PCP2: variants seen among roughly 807,000 people sequenced by gnomAD.
PCP2 encodes the protein Purkinje cell protein 2 homolog.
In PCP2, 21 loss-of-function variants were observed where a neutral mutation model predicts 18.3. The ratio of observed to expected loss-of-function variants is 1.14; its 90% CI spans 0.81 to 1.65. The LOEUF is 1.65. Among genes scored for constraint, PCP2 ranks in the 40% most tolerant of loss-of-function variants. The pLI is 0.00. For missense variants in PCP2, 202 were observed against 201.8 expected (o/e 1.00, Z 0.00); for synonymous variants, 85 against 77.6 (o/e 1.10, Z -0.50).
intron 3 of PCP2, 31 bp from the exon 4 acceptor site, chr19:7,631,839 G>A (rs951872381): frequency 1.5e-6 from 2 of 1,378,998 alleles, no homozygotes; most frequent in Non-Finnish European, 1.9e-6. Flanking sequence ...GCCAGGGGGA[G>A]GGCTCAAGGG....
At chr19:7,635,818 C>T (rs2031507648), upstream of PCP2, among the ~76,000 whole-genome samples, 1 of 152,094 alleles carries the variant, frequency 6.6e-6, no homozygotes, top group Non-Finnish European at 1.5e-5. Context: ...TCCTGGTTTG[C>T]CTGTGACTGT....
chr19:7,635,254 C>T (rs1331767336), upstream of PCP2, among the ~76,000 whole-genome samples: 1 of 152,166 alleles, frequency 6.6e-6, no homozygotes, highest in East Asian at 1.9e-4. Context: ...GAAGACAAAA[C>T]CCAAACACCT....
In PCP2 at chr19:7,632,922, G is replaced by A. The variant is rs752860754; in HGVS notation, c.52-92C>T. 1.3e-6 allele frequency: 2 copies of A among 1,500,136 alleles called. No homozygotes were observed. The highest frequency in any genetic ancestry group is 2.8e-5 in the African/African-American group (2 of 72,336). 92.9% of individuals were successfully genotyped at this position (1,500,136 alleles called of 1,614,324 possible). A position where few individuals can be genotyped will look rare whatever the true frequency, so the allele number is the denominator to read the frequency against. Reference sequence around the variant, plus strand: ...CAGCTTGCTCACACCCTGACCCCGGGGCCTGCCGTCCCCACTTCCTCAGCT... The same window carrying A: ...CAGCTTGCTCACACCCTGACCCCGGAGCCTGCCGTCCCCACTTCCTCAGCT... On this transcript the variant is annotated intron_variant, in intron 1 of 3. Coordinates refer to ENST00000311069, the MANE Select transcript of PCP2 (RefSeq NM_174895.3). The surrounding 1 kb of genome is among the most constrained non-coding windows in gnomAD (Gnocchi z 5.2).
Position 7,632,786 on chromosome 19 carries a change from G to C in PCP2, c.96C>G (p.His32Gln), listed in dbSNP as rs150461106. 1.2e-5 allele frequency: 18 copies of C among 1,564,558 alleles called. No homozygotes were observed. The highest frequency in any genetic ancestry group is 1.7e-4 in the Middle Eastern group (1 of 6,012). The stretch of plus-strand genomic sequence containing the variant: ...GTCCCTCCATCCGGTCGCCCTGCAC[G>C]TGGCTCAGCAGATTGAAGAAGCCCT... ...DQEGFFNLLS[H>Q]VQGDRMEGQR... The change falls in exon 2 of 4, where the codon CAC (histidine) becomes CAG (glutamine). Residue 32 changes from histidine (H) to glutamine (Q), a missense_variant. Physicochemically the swap from His to Gln is conservative, Grantham distance 24. Transcript: ENST00000311069. The surrounding 1 kb of genome is among the most constrained non-coding windows in gnomAD (Gnocchi z 5.2).
rs949008981 is a variant in PCP2, at chr19:7,633,021, C to A, written c.52-191G>T. On this transcript the variant is annotated intron_variant, in intron 1 of 3. Transcript: ENST00000311069. ...ACATGAGTCTCCTTCCCAATCCCGG[C>A]CCCCGCCCCAGGGGCCCTGGCCAGC... The A allele has an allele frequency of 3.4e-5, 48 of 1,430,410 alleles. No homozygotes were observed. In the Middle Eastern group the frequency reaches 6.8e-4, roughly 20 times the overall value. The allele number at this position is 1,430,410 out of a possible 1,614,324, so 88.6% of individuals were successfully genotyped here.
upstream of PCP2, chr19:7,636,757 T>A (rs2031550168): frequency 4.9e-6 from 1 of 203,086 alleles, no homozygotes; most frequent in Non-Finnish European, 9.9e-6. Flanking sequence ...TGGGTCAAGA[T>A]CCCAGGCCCA....
At position 7,632,687 on chromosome 19, in the gene PCP2, A is replaced by G; in HGVS notation, c.166+29T>C. ...TGCACTCCCACCCCGTTCACGCCCC[A>G]TGGACAGCACCCCCGTGCCCATGCT... is the stretch of plus-strand genomic sequence containing the variant. On this transcript the variant is annotated intron_variant, in intron 2 of 3. Coordinates refer to ENST00000311069, the MANE Select transcript of PCP2 (RefSeq NM_174895.3). This position sits in a 1 kb window ranked among gnomAD's most constrained non-coding sequence, Gnocchi z 5.2. 1 of 1,548,040 alleles carries G rather than the reference A, an allele frequency of 6.5e-7. No individual in the cohort carries two copies. Among genetic ancestry groups the G allele is most frequent in the East Asian group, 2.4e-5 (1 of 41,574 alleles).
chr19:7,635,416 A>G (rs1382895184), upstream of PCP2, among the ~76,000 whole-genome samples: 1 of 152,208 alleles, frequency 6.6e-6, no homozygotes, highest in Non-Finnish European at 1.5e-5. Flanking sequence ...AGGAAGGGGC[A>G]GGGTGCGGTG....
Position 7,632,588 on chromosome 19 carries a change from C to T in PCP2, c.167-71G>A. 1.9e-6 allele frequency: 3 copies of T among 1,598,060 alleles called. No homozygotes were observed. Among genetic ancestry groups the T allele is most frequent in the Non-Finnish European group, 2.6e-6 (3 of 1,173,390 alleles). On this transcript the variant is annotated intron_variant, in intron 2 of 3. Coordinates refer to ENST00000311069, the MANE Select transcript of PCP2 (RefSeq NM_174895.3). This position sits in a 1 kb window ranked among gnomAD's most constrained non-coding sequence, Gnocchi z 5.2. ...GCCCCCAACCCTACCCCTTCACCCC[C>T]ACACAGATGCTTCAGGGTGCACAAC...
chr19:7,633,879 G>A (rs145592860), upstream of PCP2: 970 of 179,376 alleles, frequency 5.4e-3, 5 homozygotes, highest in Middle Eastern at 9.8e-3. Context: ...TCCTGAAAGG[G>A]CAGCTGCCAC....
Position 7,632,983 on chromosome 19 carries a change from T to G in PCP2, c.52-153A>C. ...TCCCCGCCGATCCTCTCTGCAGAGC[T>G]GTTCTGAATGAGACATGAGTCTCCT... On this transcript the variant is annotated intron_variant, in intron 1 of 3. Transcript: ENST00000311069. This position sits in a 1 kb window ranked among gnomAD's most constrained non-coding sequence, Gnocchi z 5.2. 1 of 1,435,950 alleles carries G rather than the reference T, an allele frequency of 7.0e-7. No individual in the cohort carries two copies. The highest frequency in any genetic ancestry group is 9.1e-7 in the Non-Finnish European group (1 of 1,097,528). 89.0% of individuals were successfully genotyped at this position (1,435,950 alleles called of 1,614,324 possible). A position where few individuals can be genotyped will look rare whatever the true frequency, so the allele number is the denominator to read the frequency against.
rs1284065408 is a variant in PCP2, at chr19:7,632,455, G to A, written c.229C>T (p.Arg77Cys). ...MDMLASTQGR[R>C]MDDQRVTVSS... ...ACTGTCACACGTTGGTCATCCATGC[G>A]GCGGCCCTGGGTACTGGCCAGCATG... The change falls in exon 3 of 4, where the codon CGC becomes TGC. Residue 77 changes from arginine (R) to cysteine (C), a missense_variant. Physicochemically the swap from Arg to Cys is radical, Grantham distance 180. Transcript: ENST00000311069. This position sits in a 1 kb window ranked among gnomAD's most constrained non-coding sequence, Gnocchi z 5.2. 10 of 1,613,728 alleles carry A rather than the reference G, an allele frequency of 6.2e-6. No homozygotes were observed. The highest frequency in any genetic ancestry group is 8.5e-6 in the Non-Finnish European group (10 of 1,179,958).
chr19:7,634,616 T>C (rs11673006), upstream of PCP2, among the ~76,000 whole-genome samples: 44,368 of 152,204 alleles, frequency 0.29, 7,155 homozygotes, highest in Non-Finnish European at 0.37. Flanking sequence ...GTGATCCTCC[T>C]GCCTGGGCCT....
upstream of PCP2, among the ~76,000 whole-genome samples, chr19:7,634,128 G>T (rs73921480): frequency 0.039 from 5,981 of 152,254 alleles, 415 homozygotes; most frequent in African/African-American, 0.14. Flanking sequence ...TAAATGCCAG[G>T]TTGAGCTATC....
upstream of PCP2, among the ~76,000 whole-genome samples, chr19:7,634,319 C>A (rs3745364): frequency 4.9e-4 from 74 of 152,164 alleles, no homozygotes; most frequent in South Asian, 9.1e-3. Context: ...CCCCAAGACG[C>A]CTTTACGGAA....
chr19:7,631,955 T>G, intron 3 of PCP2, 147 bp from the exon 4 acceptor site: 1 of 818,680 alleles, frequency 1.2e-6, no homozygotes, highest in Non-Finnish European at 1.7e-6. Context: ...ATCTGCCATT[T>G]AGGGTGGCAT....
chr19:7,633,340 C>CTAGT (rs1872779795), intron 1 of PCP2, 67 bp downstream of exon 1: 6 of 1,452,392 alleles, frequency 4.1e-6, no homozygotes, highest in Non-Finnish European at 4.7e-6. Flanking sequence ...GCCCTACAAA[C>CTAGT]TAGTCTTGTC....
rs2031430163 is a variant in PCP2 at position 7,633,672 on chromosome 19, G to A, written c.-215C>T. 2 of 592,674 alleles carry A rather than the reference G, an allele frequency of 3.4e-6. No homozygotes were observed. The highest frequency in any genetic ancestry group is 3.1e-5 in the Admixed American group (1 of 32,676). The allele number at this position is 592,674 out of a possible 1,614,324, so 36.7% of individuals were successfully genotyped here. A position where few individuals can be genotyped will look rare whatever the true frequency, so the allele number is the denominator to read the frequency against. On this transcript the variant is annotated 5_prime_UTR_variant, in exon 1 of 4. Coordinates refer to ENST00000311069, the MANE Select transcript of PCP2 (RefSeq NM_174895.3). ...GCTGGATCTGGCATGGTGGGTAGGGGGCAGGGCGACCTGAGCTTGGACCTC... is the reference window on the plus strand; with the variant it reads ...GCTGGATCTGGCATGGTGGGTAGGGAGCAGGGCGACCTGAGCTTGGACCTC...
chr19:7,633,082 G>T, intron 1 of PCP2: 2 of 1,239,074 alleles, frequency 1.6e-6, no homozygotes, highest in Non-Finnish European at 2.2e-6. Flanking sequence ...CAAGGGACAG[G>T]CTCCGATGCG....
Sources: allele counts gnomAD v4.1 joint callset (sites outside exome capture counted in the v4.1 genomes callset), GRCh38; gene constraint gnomAD v4.1.1; non-coding constraint Gnocchi (gnomAD v3.1); transcripts MANE v1.5; gene names NCBI Gene and HGNC (gene_info 2026-07-23, HGNC 2026-07-21).